Variants in ANTXR2 observed in about 807,000 individuals in gnomAD.
The protein encoded by ANTXR2 is anthrax toxin receptor 2.
In ANTXR2, 44 loss-of-function variants were observed where a neutral mutation model predicts 73.7. The ratio of observed to expected loss-of-function variants is 0.60; its 90% CI spans 0.47 to 0.77. The LOEUF (loss-of-function observed/expected upper bound fraction) is 0.77. Ranked by LOEUF, ANTXR2 falls within the 30% of genes least tolerant of loss-of-function variation. The pLI is 0.00. For missense variants in ANTXR2, 604 were observed against 592.5 expected (o/e 1.02, Z -0.20); for synonymous variants, 217 against 205.9 (o/e 1.05, Z -0.46).
intron 16 of ANTXR2, among the ~76,000 whole-genome samples, chr4:79,933,803 C>T (rs1252257206): frequency 2.1e-5 from 3 of 143,416 alleles, no homozygotes; most frequent in Non-Finnish European, 3.0e-5. Context: ...GGCACGATCT[C>T]GGCTCACTGC....
Position 80,031,690 on chromosome 4 carries a change from C to G in ANTXR2, c.799G>C (p.Val267Leu). ...YTVNETYTTS[V>L]KPVSVQLNSM... ...TTAAGCTGTACACTTACTGGTTTTA[C>G]ACCTAGAAAATAAAATGCCACTGAA... The change falls in exon 10 of 17, where the codon GTA (valine) becomes CTA (leucine). Residue 267 changes from valine to leucine, a missense_variant and splice_region_variant. Physicochemically the swap from Val to Leu is conservative, Grantham distance 32 (BLOSUM62 1). Coordinates refer to ENST00000403729, the MANE Select transcript of ANTXR2 (RefSeq NM_058172.6). 1 of 1,480,510 alleles carries G rather than the reference C, an allele frequency of 6.8e-7. No individual in the cohort carries two copies. Among genetic ancestry groups the G allele is most frequent in the South Asian group, 1.5e-5 (1 of 66,288 alleles). The allele number at this position is 1,480,510 out of a possible 1,614,324, so 91.7% of individuals were successfully genotyped here.
chr4:79,962,101 C>T (rs1229530404), intron 16 of ANTXR2, among the ~76,000 whole-genome samples: 2 of 152,042 alleles, frequency 1.3e-5, no homozygotes, highest in Non-Finnish European at 2.9e-5. Flanking sequence ...ACACTTTTGC[C>T]AACTTATATA....
At position 80,058,049 on chromosome 4, in the gene ANTXR2, G is replaced by C. The variant is rs1222162603; in HGVS notation, c.297-2036C>G. ...AAAGTCAAATATTTGGTGCTTTTCAGAAATGAGTGGCAGTGTGTCTTTGAG... is the reference window on the plus strand; with the variant it reads ...AAAGTCAAATATTTGGTGCTTTTCACAAATGAGTGGCAGTGTGTCTTTGAG... On this transcript the variant is annotated intron_variant, in intron 3 of 16. Transcript: ENST00000403729. Among the ~76,000 whole-genome samples, 6 of 152,136 alleles carry C rather than the reference G, an allele frequency of 3.9e-5. No individual in the cohort carries two copies. The East Asian group carries it at 9.7e-4, about 25-fold the overall frequency.
At chr4:80,065,881 C>T (rs1275542837) in intron 3 of ANTXR2, among the ~76,000 whole-genome samples, 1 of 152,314 alleles carries the variant, frequency 6.6e-6, no homozygotes, top group Admixed American at 6.5e-5. Context: ...TTAACCTTTG[C>T]TTTCCTCACA....
chr4:80,052,513 T>C (rs1308040315), intron 7 of ANTXR2, among the ~76,000 whole-genome samples: 2 of 151,696 alleles, frequency 1.3e-5, no homozygotes, highest in Non-Finnish European at 3.0e-5. Context: ...TCTTTCCACC[T>C]GCCAACTCTG....
chr4:80,016,128 A>G (rs1004929130), intron 11 of ANTXR2, among the ~76,000 whole-genome samples: 17 of 152,298 alleles, frequency 1.1e-4, no homozygotes, highest in Middle Eastern at 6.8e-3. Flanking sequence ...ATCTAATAAT[A>G]TGAAAAATAT....
At position 79,905,227 on chromosome 4, in the gene ANTXR2, T is replaced by C. The variant is rs1292980497; in HGVS notation, c.*2202A>G. The C allele has an allele frequency of 6.6e-6, 1 of 152,198 alleles. No individual in the cohort carries two copies. Among genetic ancestry groups the C allele is most frequent in the Non-Finnish European group, 1.5e-5 (1 of 68,032 alleles). 9.4% of individuals were successfully genotyped at this position (152,198 alleles called of 1,614,324 possible). A position where few individuals can be genotyped will look rare whatever the true frequency, so the allele number is the denominator to read the frequency against. ...ATTTGAAGTAGTTACCAAAGAAACA[T>C]AGCCTTAGCTTCTGTAGTATTCTCA... On this transcript the variant is annotated 3_prime_UTR_variant, in exon 17 of 17. Transcript: ENST00000403729.
chr4:79,919,916 T>A (rs1371344900), intron 16 of ANTXR2, among the ~76,000 whole-genome samples: 2 of 16,498 alleles, frequency 1.2e-4, no homozygotes, highest in Non-Finnish European at 2.5e-4. Context: ...TATATATATA[T>A]ATATAAAAAA....
chr4:79,984,323 C>T (rs372492362), intron 13 of ANTXR2, among the ~76,000 whole-genome samples: 1 of 152,114 alleles, frequency 6.6e-6, no homozygotes, highest in South Asian at 2.1e-4. Flanking sequence ...GTCATTAAAG[C>T]ATCAATGTGT....
At position 79,920,568 on chromosome 4, in the gene ANTXR2, G is replaced by C. The variant is rs531837281; in HGVS notation, c.1429-13101C>G. ...GTTGCAATTTTATAAAAAGTATATA[G>C]GTAGTAGAGAAACCAGCAAGGGCAA... On this transcript the variant is annotated intron_variant, in intron 16 of 16. Transcript: ENST00000403729. Among the ~76,000 whole-genome samples the C allele has an allele frequency of 3.9e-5, 6 of 152,134 alleles. No homozygotes were observed. The South Asian group carries it at 6.2e-4, about 16-fold the overall frequency.
intron 16 of ANTXR2, among the ~76,000 whole-genome samples, chr4:79,973,016 A>G (rs1729487212): frequency 6.6e-6 from 1 of 152,108 alleles, no homozygotes; most frequent in Non-Finnish European, 1.5e-5. Context: ...ATAAACTAGT[A>G]TAAGAAATTG....
At position 80,069,510 on chromosome 4, in the gene ANTXR2, G is replaced by T. The variant is rs1464060978; in HGVS notation, c.225-3C>A. 1 of 1,590,546 alleles carries T rather than the reference G, an allele frequency of 6.3e-7. No individual in the cohort carries two copies. Among genetic ancestry groups the T allele is most frequent in the Non-Finnish European group, 8.6e-7 (1 of 1,165,076 alleles). On this transcript the variant is annotated splice_region_variant and splice_polypyrimidine_tract_variant and intron_variant, in intron 2 of 16. Coordinates refer to ENST00000403729, the MANE Select transcript of ANTXR2 (RefSeq NM_058172.6). ...TGAAAGATAATCTCATTTCAGGGCT[G>T]CAAAATAAGAAAAGAGGCAGTTAAA...
chr4:79,957,101 T>C, intron 16 of ANTXR2, among the ~76,000 whole-genome samples: 1 of 152,100 alleles, frequency 6.6e-6, no homozygotes, highest in South Asian at 2.1e-4. Flanking sequence ...AATGAAAGAC[T>C]ATCTACAAAG....
chr4:79,905,835 T>C lies in ANTXR2; in HGVS notation c.*1594A>G, dbSNP rs570970149. ...GGATGCTCCAATCGCTCTTTCCATC[T>C]TGTGCACTCACATGCCCGCCAAACA... On this transcript the variant is annotated 3_prime_UTR_variant, in exon 17 of 17. Coordinates refer to ENST00000403729, the MANE Select transcript of ANTXR2 (RefSeq NM_058172.6). The C allele has an allele frequency of 6.5e-6, 1 of 152,734 alleles. No homozygotes were observed. The highest frequency in any genetic ancestry group is 1.9e-4 in the East Asian group (1 of 5,158). 9.5% of individuals were successfully genotyped at this position (152,734 alleles called of 1,614,324 possible). A position where few individuals can be genotyped will look rare whatever the true frequency, so the allele number is the denominator to read the frequency against.
At chr4:80,012,464 G>C (rs1206368483) in intron 11 of ANTXR2, among the ~76,000 whole-genome samples, 1 of 152,002 alleles carries the variant, frequency 6.6e-6, no homozygotes, top group Non-Finnish European at 1.5e-5. Flanking sequence ...AATGTCTATA[G>C]CTGTTTTTGC....
chr4:80,028,510 G>A (rs1732541370), intron 10 of ANTXR2, among the ~76,000 whole-genome samples: 1 of 152,126 alleles, frequency 6.6e-6, no homozygotes, highest in South Asian at 2.1e-4. Context: ...CATGCCCATG[G>A]ATGCAGCTCT....
intron 16 of ANTXR2, among the ~76,000 whole-genome samples, chr4:79,962,169 T>C (rs1356366395): frequency 6.6e-6 from 1 of 152,188 alleles, no homozygotes; most frequent in African/African-American, 2.4e-5. Context: ...GCATTCTATT[T>C]CATGAATTTG....
intron 16 of ANTXR2, among the ~76,000 whole-genome samples, chr4:79,956,611 C>CATACATAAG (rs1728895678): frequency 6.6e-6 from 1 of 152,084 alleles, no homozygotes; most frequent in Admixed American, 6.6e-5. Flanking sequence ...ATACATAAGA[C>CATACATAAG]ATAGTAGGTG....
At chr4:80,062,913 A>T (rs1470020198) in intron 3 of ANTXR2, among the ~76,000 whole-genome samples, 1 of 152,178 alleles carries the variant, frequency 6.6e-6, no homozygotes, top group Non-Finnish European at 1.5e-5. Context: ...GAAAATAAGG[A>T]TGGTGTCCAC....
Sources: gnomAD v4.1 joint callset for allele counts (sites outside exome capture counted in the v4.1 genomes callset) on GRCh38, gnomAD v4.1.1 for gene constraint, MANE v1.5 for transcripts, NCBI Gene and HGNC (gene_info 2026-07-23, HGNC 2026-07-21) for gene names.